ELP4: variants seen among roughly 807,000 people sequenced by gnomAD.
The protein encoded by ELP4 is elongator acetyltransferase complex subunit 4.
A neutral mutation model predicts 48.9 loss-of-function variants in ELP4; 51 were observed. The observed-to-expected ratio is 1.04, with a 90% confidence interval of 0.83 to 1.32. The LOEUF (loss-of-function observed/expected upper bound fraction) is 1.32, where lower values mean the gene tolerates loss of function less well. Among genes scored for constraint, ELP4 ranks in the 40% most tolerant of loss-of-function variants. The pLI is 0.00. For synonymous variants in ELP4, 210 were observed against 189.2 expected (o/e 1.11, Z -0.90); for missense variants, 519 against 514.6 (o/e 1.01, Z -0.08).
intron 3 of ELP4, among the ~76,000 whole-genome samples, chr11:31,560,684 A>ATTGTTTTATTTATATATAAAACAACG (rs1957005034): frequency 9.2e-6 from 1 of 108,802 alleles, no homozygotes; most frequent in Non-Finnish European, 2.0e-5. Flanking sequence ...TAAAGACCAC[A>ATTGTTTTATTTATATATAAAACAACG]TTGTTTTATA....
At chr11:31,595,538 A>G (rs920968071) in intron 4 of ELP4, among the ~76,000 whole-genome samples, 2 of 152,244 alleles carry the variant, frequency 1.3e-5, no homozygotes, top group African/African-American at 4.8e-5. Context: ...TGAATAAGAC[A>G]TAGTTTCCTT....
At chr11:31,768,581 A>C (rs966976527) in intron 9 of ELP4, among the ~76,000 whole-genome samples, 1 of 152,244 alleles carries the variant, frequency 6.6e-6, no homozygotes, top group African/African-American at 2.4e-5. Flanking sequence ...TTTGACAAAG[A>C]TAAAACATAA....
chr11:31,703,239 G>A (rs1255243611), intron 9 of ELP4, among the ~76,000 whole-genome samples: 1 of 152,132 alleles, frequency 6.6e-6, no homozygotes, highest in East Asian at 1.9e-4. Context: ...GCTAAGCAAG[G>A]GGAACAGTGA....
intron 2 of ELP4, among the ~76,000 whole-genome samples, chr11:31,528,451 T>C (rs1200664769): frequency 6.6e-6 from 1 of 152,206 alleles, no homozygotes; most frequent in Non-Finnish European, 1.5e-5. Context: ...TACTATACTT[T>C]TAAGACTTTT....
rs191411999 is a variant in ELP4, at chr11:31,704,776, C to T, written c.1143+54555C>T. 5.7e-3 allele frequency among the ~76,000 whole-genome samples: 858 copies of T among 151,802 alleles called. 11 individuals are homozygous for T. The highest frequency in any genetic ancestry group is 0.02 in the African/African-American group (826 of 41,404). ...CCTGTAATCCAGCATTTTGGGAGGC[C>T]GAGGTGGGTGGATCACCTGAGGTGA... On this transcript the variant is annotated intron_variant, in intron 9 of 9. Coordinates refer to ENST00000640961, the MANE Select transcript of ELP4 (RefSeq NM_019040.5).
chr11:31,521,455 AT>A (rs1180987156), intron 2 of ELP4, among the ~76,000 whole-genome samples: 1 of 151,574 alleles, frequency 6.6e-6, no homozygotes, highest in African/African-American at 2.4e-5. Context: ...TCCAAAACCC[AT>A]TTTTTTTGTA....
At chr11:31,745,119 A>G (rs1477055179) in intron 9 of ELP4, among the ~76,000 whole-genome samples, 1 of 152,214 alleles carries the variant, frequency 6.6e-6, no homozygotes, top group Non-Finnish European at 1.5e-5. Flanking sequence ...GAGCCAAATC[A>G]TGAGTGAACT....
At chr11:31,515,114 G>T (rs1316565978) in intron 1 of ELP4, among the ~76,000 whole-genome samples, 2 of 149,664 alleles carry the variant, frequency 1.3e-5, no homozygotes, top group African/African-American at 4.9e-5. Context: ...ATTTTTAAAA[G>T]CTTTAGTTAA....
At chr11:31,559,549 A>G (rs1956981317) in intron 3 of ELP4, among the ~76,000 whole-genome samples, 1 of 152,226 alleles carries the variant, frequency 6.6e-6, no homozygotes, top group South Asian at 2.1e-4. Flanking sequence ...AGAATTAAAG[A>G]CACACTGTTT....
chr11:31,601,556 C>T (rs1411096516), intron 4 of ELP4, among the ~76,000 whole-genome samples: 6 of 152,100 alleles, frequency 3.9e-5, no homozygotes, highest in African/African-American at 1.4e-4. Flanking sequence ...CATTCCAAAT[C>T]TGAGATTTCT....
intron 5 of ELP4, among the ~76,000 whole-genome samples, chr11:31,609,591 A>G (rs538944994): frequency 8.5e-4 from 129 of 152,116 alleles, no homozygotes; most frequent in Non-Finnish European, 1.5e-3. Context: ...CTGCGATGAG[A>G]CAAGTAGTCA....
At chr11:31,658,806 T>G (rs546055462) in intron 9 of ELP4, among the ~76,000 whole-genome samples, 1 of 152,056 alleles carries the variant, frequency 6.6e-6, no homozygotes, top group East Asian at 1.9e-4. Flanking sequence ...AAGGGTCTAC[T>G]GAATTCATTT....
chr11:31,688,295 T>C (rs1336414171), intron 9 of ELP4, among the ~76,000 whole-genome samples: 1 of 152,164 alleles, frequency 6.6e-6, no homozygotes, highest in East Asian at 1.9e-4. Flanking sequence ...GAATGGTTTC[T>C]CCTTATCCCC....
At chr11:31,745,304 G>A (rs2016236712) in intron 9 of ELP4, among the ~76,000 whole-genome samples, 1 of 152,122 alleles carries the variant, frequency 6.6e-6, no homozygotes, top group Non-Finnish European at 1.5e-5. Flanking sequence ...TTGTGAAAAT[G>A]GCCATACTGC....
intron 2 of ELP4, among the ~76,000 whole-genome samples, chr11:31,529,540 G>A (rs1260933783): frequency 1.3e-5 from 2 of 152,126 alleles, no homozygotes; most frequent in Admixed American, 1.3e-4. Context: ...TGACATTCCT[G>A]TTTCCCAGCC....
At position 31,784,318 on chromosome 11, in the gene ELP4, C is replaced by T. The variant is rs1265068648; in HGVS notation, c.*794C>T. ...TCTGAGACAAAGTGAAAAAATGAAA[C>T]TAACTCAGATTTCCATTGCATCACA... On this transcript the variant is annotated 3_prime_UTR_variant, in exon 10 of 10. Transcript: ENST00000640961. 6.6e-6 allele frequency: 1 copy of T among 152,118 alleles called. No homozygotes were observed. The highest frequency in any genetic ancestry group is 1.5e-5 in the Non-Finnish European group (1 of 67,978). The allele number at this position is 152,118 out of a possible 1,614,324, so 9.4% of individuals were successfully genotyped here.
At chr11:31,749,947 C>G (rs1472693454) in intron 9 of ELP4, among the ~76,000 whole-genome samples, 2 of 151,940 alleles carry the variant, frequency 1.3e-5, no homozygotes, top group African/African-American at 4.8e-5. Flanking sequence ...GCTCCGCCTC[C>G]CAGGTTCACG....
intron 9 of ELP4, among the ~76,000 whole-genome samples, chr11:31,678,543 A>G (rs73462976): frequency 0.06 from 4,158 of 69,410 alleles, 191 homozygotes; most frequent in African/African-American, 0.25. Flanking sequence ...GTGTGTGTGT[A>G]TATGTGCATT....
At chr11:31,645,020 A>G (rs1029118331) in intron 7 of ELP4, among the ~76,000 whole-genome samples, 1 of 151,764 alleles carries the variant, frequency 6.6e-6, no homozygotes, top group Non-Finnish European at 1.5e-5. Flanking sequence ...TATACAAATA[A>G]TTTTGCAAAA....
Sources: allele counts gnomAD v4.1 joint callset (sites outside exome capture counted in the v4.1 genomes callset), GRCh38; gene constraint gnomAD v4.1.1; transcripts MANE v1.5; gene names NCBI Gene and HGNC (gene_info 2026-07-23, HGNC 2026-07-21).